XKR4: variants seen among roughly 807,000 people sequenced by gnomAD.
The protein encoded by XKR4 is XK-related protein 4.
A neutral mutation model predicts 53.9 loss-of-function variants in XKR4; 12 were observed. The ratio of observed to expected loss-of-function variants is 0.22; its 90% confidence interval spans 0.14 to 0.36. The LOEUF is 0.36. Among genes scored for constraint, XKR4 ranks in the 10% least tolerant of loss-of-function variants. XKR4 has a pLI of 1.00. For synonymous variants in XKR4, 354 were observed against 362.4 expected (o/e 0.98, Z 0.26); for missense variants, 799 against 859.5 (o/e 0.93, Z 0.88).
intron 1 of XKR4, among the ~76,000 whole-genome samples, chr8:55,168,593 C>G (rs1006402701): frequency 9.9e-5 from 15 of 152,092 alleles, no homozygotes; most frequent in African/African-American, 2.9e-4. Flanking sequence ...GTCTACTTCC[C>G]CTGCCTCATT....
Position 55,138,488 on chromosome 8 carries a change from G to A in XKR4, c.806+35194G>A, listed in dbSNP as rs539997181. On this transcript the variant is annotated intron_variant, in intron 1 of 2. Transcript: ENST00000327381. ...AAAAAATAGAATAGATACAAATGAAGTCTTTCTTAGATGCTCTAGAAATAT... is the reference window on the plus strand; with the variant it reads ...AAAAAATAGAATAGATACAAATGAAATCTTTCTTAGATGCTCTAGAAATAT... Among the ~76,000 whole-genome samples, 5 of 152,228 alleles carry A rather than the reference G, an allele frequency of 3.3e-5. No individual in the cohort carries two copies. In the East Asian group the frequency reaches 9.6e-4, roughly 29 times the overall value.
intron 1 of XKR4, among the ~76,000 whole-genome samples, chr8:55,198,763 A>G (rs1817536694): frequency 6.6e-6 from 1 of 152,206 alleles, no homozygotes; most frequent in South Asian, 2.1e-4. Context: ...TAGCTGTATA[A>G]TATACAACCC....
At chr8:55,251,779 G>A (rs888005706) in intron 1 of XKR4, among the ~76,000 whole-genome samples, 4 of 152,092 alleles carry the variant, frequency 2.6e-5, no homozygotes, top group African/African-American at 7.2e-5. Context: ...CATTCATTTT[G>A]CTTTATGACT....
At chr8:55,209,217 G>GTGTGTGTGTGTA (rs1817693097) in intron 1 of XKR4, among the ~76,000 whole-genome samples, 2 of 151,826 alleles carry the variant, frequency 1.3e-5, no homozygotes, top group African/African-American at 4.8e-5. Flanking sequence ...GTGTGTGTGT[G>GTGTGTGTGTGTA]TGTGTGTGTG....
chr8:55,402,047 G>T (rs1480039059), intron 2 of XKR4, among the ~76,000 whole-genome samples: 1 of 152,162 alleles, frequency 6.6e-6, no homozygotes, highest in African/African-American at 2.4e-5. Context: ...GCTAATAATA[G>T]ATGATTCTTG....
chr8:55,349,237 A>G (rs1487743121), intron 1 of XKR4, among the ~76,000 whole-genome samples: 1 of 152,234 alleles, frequency 6.6e-6, no homozygotes, highest in Non-Finnish European at 1.5e-5. Context: ...CAGAGCCATG[A>G]TTGTTCAGAA....
chr8:55,399,084 C>T (rs1362830752), intron 2 of XKR4, among the ~76,000 whole-genome samples: 3 of 152,134 alleles, frequency 2.0e-5, no homozygotes, highest in African/African-American at 4.8e-5. Context: ...CTGGAAGTAG[C>T]GAGTGTTGTT....
intron 2 of XKR4, among the ~76,000 whole-genome samples, chr8:55,436,547 T>A (rs1341154095): frequency 6.6e-6 from 1 of 152,194 alleles, no homozygotes; most frequent in Non-Finnish European, 1.5e-5. Flanking sequence ...CGGAAAAACA[T>A]TTGGACTTCC....
rs1199908045 is a variant in XKR4, at chr8:55,528,958, A to G, written c.*4731A>G. 1 of 150,386 alleles carries G rather than the reference A, an allele frequency of 6.6e-6. No individual in the cohort carries two copies. The highest frequency in any genetic ancestry group is 2.5e-5 in the African/African-American group (1 of 40,652). The allele number at this position is 150,386 out of a possible 1,614,324, so 9.3% of individuals were successfully genotyped here. The stretch of plus-strand genomic sequence containing the variant: ...TTCGAGTGGCATCCCTTCTCCTCAC[A>G]TAGGCACCTGGGTGGCAGCATCAGA... On this transcript the variant is annotated 3_prime_UTR_variant, in exon 3 of 3. Transcript: ENST00000327381.
chr8:55,227,367 C>G (rs1817967687), intron 1 of XKR4, among the ~76,000 whole-genome samples: 1 of 152,152 alleles, frequency 6.6e-6, no homozygotes, highest in Non-Finnish European at 1.5e-5. Context: ...ACTGAGGGAC[C>G]AAGGCAGGCC....
chr8:55,407,890 A>G (rs958965163), intron 2 of XKR4, among the ~76,000 whole-genome samples: 4 of 152,234 alleles, frequency 2.6e-5, no homozygotes, highest in African/African-American at 9.6e-5. Context: ...GGGAGACAAA[A>G]CATAAGCAAA....
chr8:55,307,260 C>G (rs901925578), intron 1 of XKR4, among the ~76,000 whole-genome samples: 1 of 152,102 alleles, frequency 6.6e-6, no homozygotes, highest in Non-Finnish European at 1.5e-5. Flanking sequence ...GGACTAGTTC[C>G]TAGAAGTTAC....
chr8:55,184,176 C>A (rs1297142226), intron 1 of XKR4, among the ~76,000 whole-genome samples: 1 of 152,106 alleles, frequency 6.6e-6, no homozygotes, highest in Non-Finnish European at 1.5e-5. Flanking sequence ...GTTTGCAATG[C>A]TGGGTTTTGT....
At chr8:55,467,487 A>C (rs544816550) in intron 2 of XKR4, among the ~76,000 whole-genome samples, 1 of 152,208 alleles carries the variant, frequency 6.6e-6, no homozygotes, top group South Asian at 2.1e-4. Context: ...GTGTTTACTG[A>C]GTTGGGAGTT....
intron 1 of XKR4, among the ~76,000 whole-genome samples, chr8:55,284,169 G>A (rs1201299430): frequency 6.6e-6 from 1 of 152,076 alleles, no homozygotes; most frequent in African/African-American, 2.4e-5. Flanking sequence ...TTCTTTGTAG[G>A]TAATATCTTC....
rs573735052 is a variant in XKR4, at chr8:55,218,740, T to C, written c.806+115446T>C. ...CTTTATAGCAAGCTATCATATTCTT[T>C]GAAGTAAGTATAAATTTGAACAAAC... On this transcript the variant is annotated intron_variant, in intron 1 of 2. Transcript: ENST00000327381. Among the ~76,000 whole-genome samples the C allele has an allele frequency of 3.3e-5, 5 of 152,334 alleles. No individual in the cohort carries two copies. The South Asian group carries it at 1.0e-3, about 32-fold the overall frequency.
chr8:55,428,591 C>T (rs539780662), intron 2 of XKR4, among the ~76,000 whole-genome samples: 1 of 152,208 alleles, frequency 6.6e-6, no homozygotes, highest in African/African-American at 2.4e-5. Context: ...GGACTTTCAT[C>T]CCTGCTAGGC....
At chr8:55,156,982 G>A (rs1032583604) in intron 1 of XKR4, among the ~76,000 whole-genome samples, 4 of 152,224 alleles carry the variant, frequency 2.6e-5, no homozygotes, top group Non-Finnish European at 2.9e-5. Flanking sequence ...CTTGTCTTCT[G>A]ATTTGGCGCT....
intron 1 of XKR4, among the ~76,000 whole-genome samples, chr8:55,242,681 G>C (rs1818226725): frequency 6.6e-6 from 1 of 152,164 alleles, no homozygotes; most frequent in Non-Finnish European, 1.5e-5. Context: ...GAAGGGACGT[G>C]TGCCCACCCC....
Sources: gnomAD v4.1 joint callset for allele counts (sites outside exome capture counted in the v4.1 genomes callset) on GRCh38, gnomAD v4.1.1 for gene constraint, MANE v1.5 for transcripts, NCBI Gene and HGNC (gene_info 2026-07-23, HGNC 2026-07-21) for gene names.